The following MAPK10 variants were observed in gnomAD, a reference collection of about 807,000 sequenced individuals.
MAPK10 encodes the protein mitogen-activated protein kinase 10.
A neutral mutation model predicts 59.3 loss-of-function variants in MAPK10; 25 were observed. The observed-to-expected ratio is 0.42, with a 90% CI of 0.31 to 0.59. The LOEUF is 0.59. MAPK10 is among the 20% of genes least tolerant of loss of function. The pLI, the probability that MAPK10 is intolerant of heterozygous loss-of-function variation, is 0.15. For missense variants in MAPK10, 351 were observed against 568.9 expected, an observed-to-expected ratio of 0.62 and a Z score of 3.90; for synonymous variants, 190 against 200.5, an observed-to-expected ratio of 0.95 and a Z score of 0.44.
chr4:86,053,734 A>AAAAAGAG (rs1344284380), intron 11 of MAPK10, among the ~76,000 whole-genome samples: 3 of 152,144 alleles, frequency 2.0e-5, no homozygotes, highest in African/African-American at 7.2e-5. Context: ...CACGTTGGAT[A>AAAAAGAG]ATCTCTTTTT....
chr4:86,187,422 G>A (rs114682792), intron 3 of MAPK10, among the ~76,000 whole-genome samples: 4,529 of 152,148 alleles, frequency 0.03, 92 homozygotes, highest in South Asian at 0.041. Context: ...GGAGCAAGAT[G>A]GCACAAGATT....
intron 3 of MAPK10, among the ~76,000 whole-genome samples, chr4:86,159,683 T>C (rs557479321): frequency 1.8e-4 from 28 of 152,146 alleles, no homozygotes; most frequent in Admixed American, 1.3e-3. Flanking sequence ...GTTTTTTTCA[T>C]CATTAAAACT....
At chr4:86,270,969 C>T (rs937925257) in intron 2 of MAPK10, among the ~76,000 whole-genome samples, 1 of 151,992 alleles carries the variant, frequency 6.6e-6, no homozygotes, top group African/African-American at 2.4e-5. Context: ...AATAAAGCTG[C>T]TATAAACATT....
intron 2 of MAPK10, among the ~76,000 whole-genome samples, chr4:86,240,047 C>T (rs2148684291): frequency 6.6e-6 from 1 of 152,200 alleles, no homozygotes; most frequent in Middle Eastern, 3.4e-3. Context: ...GGTATGTTGT[C>T]TCTTTGTTCT....
intron 2 of MAPK10, among the ~76,000 whole-genome samples, chr4:86,291,880 TAAC>T (rs2095238889): frequency 6.6e-6 from 1 of 152,186 alleles, no homozygotes; most frequent in Non-Finnish European, 1.5e-5. Flanking sequence ...AATAGGCATA[TAAC>T]TTTTCCTGGA....
chr4:86,046,289 G>A (rs1271717336), intron 11 of MAPK10, among the ~76,000 whole-genome samples: 3 of 151,170 alleles, frequency 2.0e-5, no homozygotes, highest in Non-Finnish European at 2.9e-5. Context: ...ATTTGAATAC[G>A]CTTTATTTCT....
intron 13 of MAPK10, chr4:86,028,641 T>C (rs922178376): frequency 6.5e-6 from 1 of 153,528 alleles, no homozygotes; most frequent in African/African-American, 2.4e-5. Flanking sequence ...AAGTAAATTG[T>C]CTCAAGTCAT....
chr4:86,407,270 C>T (rs570633487), intron 1 of MAPK10, among the ~76,000 whole-genome samples: 12 of 152,068 alleles, frequency 7.9e-5, no homozygotes, highest in Non-Finnish European at 1.8e-4. Context: ...ATTATTCTCC[C>T]AACTTTGTTG....
chr4:86,283,319 C>T (rs925447233), intron 2 of MAPK10, among the ~76,000 whole-genome samples: 17 of 152,086 alleles, frequency 1.1e-4, no homozygotes, highest in African/African-American at 3.6e-4. Context: ...TCATTTGACA[C>T]CAGAAGATTA....
At chr4:86,303,880 C>T (rs1299209025) in intron 2 of MAPK10, among the ~76,000 whole-genome samples, 1 of 152,172 alleles carries the variant, frequency 6.6e-6, no homozygotes, top group Non-Finnish European at 1.5e-5. Flanking sequence ...CAGTTTTCTA[C>T]AACTTAACTT....
chr4:86,217,714 T>C (rs1472778661), intron 2 of MAPK10, among the ~76,000 whole-genome samples: 1 of 152,152 alleles, frequency 6.6e-6, no homozygotes, highest in Non-Finnish European at 1.5e-5. Flanking sequence ...AAAGAAAAGA[T>C]GGTATTTTTT....
At position 86,089,300 on chromosome 4, in the gene MAPK10, G is replaced by A. The variant is rs778496086; in HGVS notation, c.802+9224C>T. 4 of 1,502,972 alleles carry A rather than the reference G, an allele frequency of 2.7e-6. No homozygotes were observed. The South Asian group carries it at 3.4e-5, about 13-fold the overall frequency. The allele number at this position is 1,502,972 out of a possible 1,614,324, so 93.1% of individuals were successfully genotyped here. Reference sequence around the variant, plus strand: ...CAACTGAAAACAAAAATGAAATGAAGATAAACAAGAACACAGGAATAGAAC... The same window carrying A: ...CAACTGAAAACAAAAATGAAATGAAAATAAACAAGAACACAGGAATAGAAC... On this transcript the variant is annotated intron_variant, in intron 9 of 13. Transcript: ENST00000641462.
intron 3 of MAPK10, among the ~76,000 whole-genome samples, chr4:86,181,968 A>G (rs2077024630): frequency 6.6e-6 from 1 of 152,134 alleles, no homozygotes; most frequent in African/African-American, 2.4e-5. Flanking sequence ...GTGAAATGTA[A>G]CAGTTCTGTA....
At chr4:86,257,141 A>C (rs1247125424) in intron 2 of MAPK10, among the ~76,000 whole-genome samples, 3 of 152,164 alleles carry the variant, frequency 2.0e-5, no homozygotes, top group Non-Finnish European at 2.9e-5. Context: ...AAGATATAGG[A>C]CACTAGCATG....
rs1742542696 is a variant in MAPK10 at position 86,014,513 on chromosome 4, A to G, written c.*2715T>C. Reference sequence around the variant, plus strand: ...TCATCTGCCTTGCTTTAATCACCTAATAAAACTGATCCTGCAAAAATTCTG... The same window carrying G: ...TCATCTGCCTTGCTTTAATCACCTAGTAAAACTGATCCTGCAAAAATTCTG... On this transcript the variant is annotated 3_prime_UTR_variant, in exon 14 of 14. Coordinates refer to ENST00000641462, the MANE Select transcript of MAPK10 (RefSeq NM_138982.4). 6.6e-6 allele frequency: 1 copy of G among 152,088 alleles called. No individual in the cohort carries two copies. Among genetic ancestry groups the G allele is most frequent in the African/African-American group, 2.4e-5 (1 of 41,402 alleles). The allele number at this position is 152,088 out of a possible 1,614,324, so 9.4% of individuals were successfully genotyped here. A position where few individuals can be genotyped will look rare whatever the true frequency, so the allele number is the denominator to read the frequency against.
intron 2 of MAPK10, among the ~76,000 whole-genome samples, chr4:86,337,023 T>C (rs1015718369): frequency 6.6e-6 from 1 of 151,954 alleles, no homozygotes; most frequent in African/African-American, 2.4e-5. Context: ...TCTCCTGACC[T>C]CGTGATCCAC....
At chr4:86,060,918 C>G (rs946658722) in intron 11 of MAPK10, among the ~76,000 whole-genome samples, 2 of 151,990 alleles carry the variant, frequency 1.3e-5, no homozygotes, top group Non-Finnish European at 2.9e-5. Flanking sequence ...TTTCACCAGA[C>G]GCATATATCT....
In MAPK10 at chr4:86,315,903, T is replaced by C. The variant is rs538394124; in HGVS notation, c.-7+38627A>G. Among the ~76,000 whole-genome samples the C allele has an allele frequency of 2.8e-3, 427 of 152,272 alleles. 1 individual carries two copies. Among genetic ancestry groups the C allele is most frequent in the Admixed American group, 4.8e-3 (73 of 15,280 alleles). ...AAGTCTTTAATACTTCTGAGATATATAGAAATACAAAATAAAGTATTACTT... is the reference window on the plus strand; with the variant it reads ...AAGTCTTTAATACTTCTGAGATATACAGAAATACAAAATAAAGTATTACTT... On this transcript the variant is annotated intron_variant, in intron 2 of 13. Coordinates refer to ENST00000641462, the MANE Select transcript of MAPK10 (RefSeq NM_138982.4).
intron 1 of MAPK10, among the ~76,000 whole-genome samples, chr4:86,515,616 T>G (rs1176338037): frequency 6.6e-6 from 1 of 152,232 alleles, no homozygotes; most frequent in Non-Finnish European, 1.5e-5. Flanking sequence ...ATATGTTTGT[T>G]GGACATTTGA....
Sources: allele counts gnomAD v4.1 joint callset (sites outside exome capture counted in the v4.1 genomes callset), GRCh38; gene constraint gnomAD v4.1.1; transcripts MANE v1.5; gene names NCBI Gene and HGNC (gene_info 2026-07-23, HGNC 2026-07-21).